The following UBOX5 variants were observed in gnomAD, a reference collection of about 807,000 sequenced individuals.
The protein encoded by UBOX5 is RING finger protein 37.
Under a neutral mutation model 39.0 loss-of-function variants are expected in UBOX5, and 28 were observed. That is an observed-to-expected ratio of 0.72 (90% confidence interval 0.53 to 0.98). UBOX5 has a LOEUF of 0.98. Ranked by LOEUF, UBOX5 falls within the 50% of genes least tolerant of loss-of-function variation. The pLI is 0.00. For synonymous variants in UBOX5, 283 were observed against 275.5 expected (o/e 1.03, Z -0.27); for missense variants, 585 against 674.4 (o/e 0.87, Z 1.47).
chr20:3,128,426 A>C (rs1382222615), intron 1 of UBOX5, among the ~76,000 whole-genome samples: 1 of 152,258 alleles, frequency 6.6e-6, no homozygotes, highest in Non-Finnish European at 1.5e-5. Context: ...ACTGACATAG[A>C]TGATGACACT....
intron 1 of UBOX5, among the ~76,000 whole-genome samples, chr20:3,154,033 G>T (rs542158293): frequency 1.3e-5 from 2 of 152,296 alleles, no homozygotes; most frequent in East Asian, 3.9e-4. Flanking sequence ...AAATCTACAT[G>T]AGGCAAAGAG....
intron 4 of UBOX5, among the ~76,000 whole-genome samples, chr20:3,112,208 G>A (rs912487777): frequency 6.6e-6 from 1 of 152,074 alleles, no homozygotes; most frequent in African/African-American, 2.4e-5. Context: ...GCCACTGACT[G>A]CTTTTCAGTG....
chr20:3,132,995 T>C (rs552923701), intron 1 of UBOX5, among the ~76,000 whole-genome samples: 6 of 151,480 alleles, frequency 4.0e-5, no homozygotes, highest in South Asian at 2.1e-4. Flanking sequence ...TAATAAAGAA[T>C]GATTGGGGGA....
intron 1 of UBOX5, among the ~76,000 whole-genome samples, chr20:3,140,271 C>T (rs1187444549): frequency 6.6e-6 from 1 of 152,108 alleles, no homozygotes; most frequent in East Asian, 1.9e-4. Flanking sequence ...ATCCGCCCAC[C>T]TTGGCCTCCC....
At chr20:3,119,711 C>T (rs930115689) in intron 3 of UBOX5, among the ~76,000 whole-genome samples, 1 of 151,866 alleles carries the variant, frequency 6.6e-6, no homozygotes, top group African/African-American at 2.4e-5. Flanking sequence ...AAAAATTAGC[C>T]GGTGTGGTGG....
intron 1 of UBOX5, among the ~76,000 whole-genome samples, chr20:3,143,669 C>G (rs1157151223): frequency 3.3e-5 from 5 of 152,142 alleles, no homozygotes; most frequent in Admixed American, 6.5e-5. Context: ...GTGGCAGGTG[C>G]CTGTAATCCC....
chr20:3,123,110 T>C (rs2066351303), intron 2 of UBOX5, among the ~76,000 whole-genome samples: 1 of 152,004 alleles, frequency 6.6e-6, no homozygotes, highest in African/African-American at 2.4e-5. Context: ...ACAAAATGAG[T>C]CACAGCTCAC....
intron 1 of UBOX5, among the ~76,000 whole-genome samples, chr20:3,154,353 T>C (rs1299172194): frequency 1.3e-5 from 2 of 152,186 alleles, no homozygotes; most frequent in African/African-American, 4.8e-5. Flanking sequence ...AAATTATTAA[T>C]GCCAGGGAAG....
intron 1 of UBOX5, among the ~76,000 whole-genome samples, chr20:3,139,370 CTTTA>C (rs1379139532): frequency 2.0e-5 from 3 of 151,426 alleles, no homozygotes; most frequent in Non-Finnish European, 4.4e-5. Context: ...AGTTTTTCCT[CTTTA>C]TTTTTAATTT....
intron 1 of UBOX5, among the ~76,000 whole-genome samples, chr20:3,138,679 T>C (rs1169394678): frequency 6.6e-6 from 1 of 152,038 alleles, no homozygotes; most frequent in African/African-American, 2.4e-5. Context: ...CTTGGAAGAG[T>C]TGGTTGCCCT....
chr20:3,144,559 G>T (rs1007726566), intron 1 of UBOX5, among the ~76,000 whole-genome samples: 4 of 152,150 alleles, frequency 2.6e-5, no homozygotes, highest in Non-Finnish European at 5.9e-5. Context: ...CCTGACCTTG[G>T]ACTTGGCAAT....
At chr20:3,117,069 C>T (rs1478398739) in intron 3 of UBOX5, among the ~76,000 whole-genome samples, 2 of 151,666 alleles carry the variant, frequency 1.3e-5, no homozygotes, top group African/African-American at 4.9e-5. Context: ...GCACTCCAGC[C>T]TGGGTGACAG....
Position 3,110,257 on chromosome 20 carries a change from G to A in UBOX5, c.1475C>T (p.Pro492Leu). Residue 492 changes from proline to leucine, a missense_variant, in exon 5 of 5, where the codon CCC (proline) becomes CTC (leucine). Transcript: ENST00000217173. ...ECASCKRVFSPYFKKEPVYQL... is the reference protein window; with the variant it reads ...ECASCKRVFSLYFKKEPVYQL... Reference sequence around the variant, plus strand: ...GTACACCGGCTCCTTTTTGAAGTAGGGAGAAAATACTCTTTTGCAGGAGGC... The same window carrying A: ...GTACACCGGCTCCTTTTTGAAGTAGAGAGAAAATACTCTTTTGCAGGAGGC... The A allele has an allele frequency of 1.2e-6, 2 of 1,614,174 alleles. No homozygotes were observed. Among genetic ancestry groups the A allele is most frequent in the Admixed American group, 1.7e-5 (1 of 60,016 alleles).
At chr20:3,143,410 G>A (rs1490255383) in intron 1 of UBOX5, among the ~76,000 whole-genome samples, 1 of 151,754 alleles carries the variant, frequency 6.6e-6, no homozygotes, top group East Asian at 1.9e-4. Flanking sequence ...TTAATCATCT[G>A]TATTTCTAAA....
intron 1 of UBOX5, chr20:3,148,856 C>CT: frequency 6.2e-7 from 1 of 1,614,194 alleles, no homozygotes; most frequent in Non-Finnish European, 8.5e-7. Flanking sequence ...GTGGGCACTG[C>CT]TGGTTGTCAG....
chr20:3,132,044 T>A (rs993038363), intron 1 of UBOX5, among the ~76,000 whole-genome samples: 6 of 142,784 alleles, frequency 4.2e-5, no homozygotes, highest in African/African-American at 1.6e-4. Flanking sequence ...GCGTGGTGGT[T>A]CACATCTGTA....
chr20:3,120,645 CAAA>C (rs1183467647), intron 3 of UBOX5, among the ~76,000 whole-genome samples: 10 of 70,858 alleles, frequency 1.4e-4, no homozygotes, highest in Admixed American at 1.7e-4. Flanking sequence ...GACTCCATCT[CAAA>C]AAAAAAAAAA....
intron 1 of UBOX5, among the ~76,000 whole-genome samples, chr20:3,131,058 T>C (rs1260265320): frequency 2.0e-5 from 3 of 152,006 alleles, no homozygotes; most frequent in Non-Finnish European, 4.4e-5. Context: ...GGTGAAACCC[T>C]ATCTCTATGA....
Position 3,110,182 on chromosome 20 carries a change from T to C in UBOX5, c.1550A>G (p.Gln517Arg), listed in dbSNP as rs760976046. ...LLCRPCLGEK[Q>R]RSLPMTCTAC... Reference sequence around the variant, plus strand: ...TGTGCACGTCATGGGCAGGGAGCGTTGCTTCTCACCCAGGCAGGGTCGGCA... The same window carrying C: ...TGTGCACGTCATGGGCAGGGAGCGTCGCTTCTCACCCAGGCAGGGTCGGCA... The change falls in exon 5 of 5, where the codon CAA becomes CGA. Residue 517 changes from glutamine to arginine, a missense_variant. By Grantham distance (43) the Gln-to-Arg change is conservative. Transcript: ENST00000217173. The C allele has an allele frequency of 3.7e-6, 6 of 1,613,804 alleles. No individual in the cohort carries two copies. The highest frequency in any genetic ancestry group is 5.1e-6 in the Non-Finnish European group (6 of 1,180,024).
Sources: gnomAD v4.1 joint callset for allele counts (sites outside exome capture counted in the v4.1 genomes callset) on GRCh38, gnomAD v4.1.1 for gene constraint, MANE v1.5 for transcripts, NCBI Gene and HGNC (gene_info 2026-07-23, HGNC 2026-07-21) for gene names.